The following ANK3 variants were observed in gnomAD, a reference collection of about 807,000 sequenced individuals.
ANK3 encodes the protein ankyrin-3.
ANK3 carries 57 observed loss-of-function variants against 370.9 expected under a neutral mutation model. The observed-to-expected ratio is 0.15, with a 90% confidence interval of 0.12 to 0.19. The LOEUF (loss-of-function observed/expected upper bound fraction) is 0.19. ANK3 is among the 10% of genes least tolerant of loss of function. The probability of loss-of-function intolerance (pLI) is 1.00; values close to 1 mark genes in which losing one functional copy is unlikely to be tolerated. For missense variants in ANK3, 4,439 were observed against 5,302.1 expected, an observed-to-expected ratio of 0.84 and a Z score of 5.06; for synonymous variants, 1,929 against 1,946.3, an observed-to-expected ratio of 0.99 and a Z score of 0.23.
intron 25 of ANK3, among the ~76,000 whole-genome samples, chr10:60,127,700 C>CTT (rs10715735): frequency 0.04 from 5,263 of 132,576 alleles, 213 homozygotes; most frequent in Non-Finnish European, 0.055. Context: ...GTTTTTCATA[C>CTT]TTTTTTTTTT....
chr10:60,319,817 C>T (rs1454283163), intron 1 of ANK3, among the ~76,000 whole-genome samples: 1 of 152,140 alleles, frequency 6.6e-6, no homozygotes, highest in Non-Finnish European at 1.5e-5. Context: ...TCTATCTTGC[C>T]CATAAACCAT....
At chr10:60,370,929 A>G (rs779476009) in intron 1 of ANK3, among the ~76,000 whole-genome samples, 1 of 152,180 alleles carries the variant, frequency 6.6e-6, no homozygotes, top group Non-Finnish European at 1.5e-5. Flanking sequence ...AGGAGGGGGC[A>G]TAACCTAAAT....
At chr10:60,630,131 C>A (rs995996418) in intron 1 of ANK3, among the ~76,000 whole-genome samples, 1 of 152,030 alleles carries the variant, frequency 6.6e-6, no homozygotes. Flanking sequence ...TTGCATAAAT[C>A]ATTTAATCTG....
At chr10:60,426,597 T>C (rs1424960246) in intron 2 of ANK3, among the ~76,000 whole-genome samples, 3 of 152,118 alleles carry the variant, frequency 2.0e-5, no homozygotes, top group African/African-American at 7.2e-5. Context: ...GTTGCTTTAG[T>C]TCCACAGGGA....
chr10:60,684,897 A>G (rs2079247878), intron 1 of ANK3: 1 of 1,490,532 alleles, frequency 6.7e-7, no homozygotes, highest in South Asian at 1.1e-5. Context: ...CTGTACTTAC[A>G]GTTGCTAATA....
At chr10:60,053,590 G>T in intron 42 of ANK3, 1 of 1,074,938 alleles carries the variant, frequency 9.3e-7, no homozygotes, top group Non-Finnish European at 1.2e-6. Flanking sequence ...TGGTAAAGGG[G>T]AAAACAAGGA....
chr10:60,367,664 G>T (rs1038587927), intron 1 of ANK3, among the ~76,000 whole-genome samples: 3 of 152,138 alleles, frequency 2.0e-5, no homozygotes, highest in Non-Finnish European at 2.9e-5. Flanking sequence ...AGGCTGGTAG[G>T]GTGATAGAAG....
At position 60,468,997 on chromosome 10, in the gene ANK3, G is replaced by GTATA. The variant is rs71015794; in HGVS notation, c.96+146185_96+146188dup. On this transcript the variant is annotated intron_variant, in intron 2 of 43. Transcript: ENST00000373827. The stretch of plus-strand genomic sequence containing the variant: ...ACTATATATATACCACTTTTAGTGT[G>GTATA]TATATATATATATATATATATACCA... Among the ~76,000 whole-genome samples the GTATA allele has an allele frequency of 9.0e-4, 21 of 23,256 alleles. 1 individual carries two copies. Among genetic ancestry groups the GTATA allele is most frequent in the African/African-American group, 3.1e-3 (18 of 5,874 alleles). The allele number at this position is 23,256 out of a possible 152,430, so 15.3% of individuals were successfully genotyped here.
At chr10:60,169,479 A>T (rs1201058312) in intron 21 of ANK3, among the ~76,000 whole-genome samples, 1 of 151,388 alleles carries the variant, frequency 6.6e-6, no homozygotes, top group African/African-American at 2.4e-5. Flanking sequence ...TACCATCAAC[A>T]TGACTTATCA....
chr10:60,722,421 G>A (rs1179839492), intron 1 of ANK3, among the ~76,000 whole-genome samples: 1 of 151,680 alleles, frequency 6.6e-6, no homozygotes, highest in African/African-American at 2.4e-5. Flanking sequence ...TCCATCCTGG[G>A]CAACAAAATG....
intron 4 of ANK3, among the ~76,000 whole-genome samples, chr10:60,277,993 T>C (rs993019793): frequency 1.3e-5 from 2 of 152,210 alleles, no homozygotes; most frequent in South Asian, 4.1e-4. Context: ...ACTTGAATAA[T>C]GAGGACCTAT....
At chr10:60,561,615 T>C (rs1461770936) in intron 2 of ANK3, among the ~76,000 whole-genome samples, 1 of 152,234 alleles carries the variant, frequency 6.6e-6, no homozygotes, top group Non-Finnish European at 1.5e-5. Context: ...GGTTGGATTC[T>C]GGGAAGAAAA....
intron 2 of ANK3, among the ~76,000 whole-genome samples, chr10:60,592,974 G>C (rs2077937673): frequency 6.6e-6 from 1 of 152,034 alleles, no homozygotes; most frequent in Non-Finnish European, 1.5e-5. Flanking sequence ...CCATATCCTG[G>C]TGGAGAGAAG....
At chr10:60,635,808 C>T (rs2186252) in intron 1 of ANK3, among the ~76,000 whole-genome samples, 2 of 151,522 alleles carry the variant, frequency 1.3e-5, no homozygotes, top group African/African-American at 2.4e-5. Context: ...GCCTTTTCTC[C>T]CATCTCACAT....
At chr10:60,726,129 C>T (rs1364493611) in intron 1 of ANK3, among the ~76,000 whole-genome samples, 1 of 152,150 alleles carries the variant, frequency 6.6e-6, no homozygotes, top group Non-Finnish European at 1.5e-5. Flanking sequence ...TATTGATCAT[C>T]TACTATATCA....
chr10:60,403,431 G>A (rs1213811158), intron 2 of ANK3, among the ~76,000 whole-genome samples: 1 of 152,154 alleles, frequency 6.6e-6, no homozygotes, highest in Non-Finnish European at 1.5e-5. Context: ...CTCTCATCAA[G>A]AGAAATGTAA....
At chr10:60,132,161 C>T (rs1218500068) in intron 25 of ANK3, among the ~76,000 whole-genome samples, 1 of 152,176 alleles carries the variant, frequency 6.6e-6, no homozygotes, top group African/African-American at 2.4e-5. Flanking sequence ...TTCCTGGCAA[C>T]ACCTTATACC....
chr10:60,469,029 GTGTA>G lies in ANK3; in HGVS notation c.96+146153_96+146156del, dbSNP rs1275751604. On this transcript the variant is annotated intron_variant, in intron 2 of 43. Coordinates refer to the ANK3 transcript ENST00000373827. The stretch of plus-strand genomic sequence containing the variant: ...TATATATATATATATACCACTTTTA[GTGTA>G]TATATATATATATATATATATACCA... Among the ~76,000 whole-genome samples, 152 of 34,964 alleles carry G rather than the reference GTGTA, an allele frequency of 4.3e-3. 19 individuals are homozygous for G. Among genetic ancestry groups the G allele is most frequent in the Middle Eastern group, 0.05 (2 of 40 alleles). The allele number at this position is 34,964 out of a possible 152,430, so 22.9% of individuals were successfully genotyped here. A position where few individuals can be genotyped will look rare whatever the true frequency, so the allele number is the denominator to read the frequency against.
At chr10:60,289,256 T>C (rs1046790432) in intron 1 of ANK3, among the ~76,000 whole-genome samples, 1 of 145,360 alleles carries the variant, frequency 6.9e-6, no homozygotes, top group African/African-American at 2.6e-5. Flanking sequence ...TTTTCATCTA[T>C]GCCCTGCCTT....
Sources: allele counts gnomAD v4.1 joint callset (sites outside exome capture counted in the v4.1 genomes callset), GRCh38; gene constraint gnomAD v4.1.1; transcripts MANE v1.5; gene names NCBI Gene and HGNC (gene_info 2026-07-23, HGNC 2026-07-21).